TBC1D12: variants seen among roughly 807,000 people sequenced by gnomAD.
TBC1D12 encodes the protein TBC1 domain family member 12, also known as TBC1 domain family, member 12.
In TBC1D12, 56 loss-of-function variants were observed where a neutral mutation model predicts 86.7. The ratio of observed to expected loss-of-function variants is 0.65; its 90% CI spans 0.52 to 0.81. The LOEUF (loss-of-function observed/expected upper bound fraction) is 0.81. Ranked by LOEUF, TBC1D12 falls within the 30% of genes least tolerant of loss-of-function variation. TBC1D12 has a pLI of 0.00. For synonymous variants in TBC1D12, 421 were observed against 411.7 expected (o/e 1.02, Z -0.27); for missense variants, 1,023 against 1,038.8 (o/e 0.98, Z 0.21).
chr10:94,410,425 G>C (rs1399473655), intron 1 of TBC1D12, among the ~76,000 whole-genome samples: 1 of 151,780 alleles, frequency 6.6e-6, no homozygotes, highest in East Asian at 1.9e-4. Context: ...TTTTGTTTCA[G>C]AGATGAGGTC....
intron 2 of TBC1D12, among the ~76,000 whole-genome samples, chr10:94,444,381 A>G (rs942823935): frequency 6.6e-5 from 10 of 152,116 alleles, no homozygotes; most frequent in Non-Finnish European, 1.5e-4. Context: ...TGACCAAGAA[A>G]GGTTGGGAAC....
chr10:94,489,298 T>G (rs986681515), intron 3 of TBC1D12, among the ~76,000 whole-genome samples: 1 of 152,212 alleles, frequency 6.6e-6, no homozygotes, highest in Admixed American at 6.5e-5. Flanking sequence ...CAGCATTAAG[T>G]TCAATGCAAA....
intron 2 of TBC1D12, among the ~76,000 whole-genome samples, chr10:94,472,323 T>A (rs2055919786): frequency 6.6e-6 from 1 of 152,242 alleles, no homozygotes; most frequent in Non-Finnish European, 1.5e-5. Context: ...AAAGGCAGGC[T>A]ATGGAGCCAA....
chr10:94,447,784 A>G (rs2134099592), intron 2 of TBC1D12: 2 of 526,486 alleles, frequency 3.8e-6, no homozygotes, highest in East Asian at 1.5e-4. Flanking sequence ...TAAAGTTGGA[A>G]TAGCTACATG....
intron 6 of TBC1D12, among the ~76,000 whole-genome samples, chr10:94,505,357 T>A (rs1421712814): frequency 2.0e-5 from 3 of 152,148 alleles, no homozygotes; most frequent in Admixed American, 2.0e-4. Context: ...GGCAGGTGGA[T>A]CACATGAGGC....
Position 94,403,137 on chromosome 10 carries a change from AG to A in TBC1D12, c.528del (p.Pro177LeufsTer103). On this transcript the variant is annotated frameshift_variant, in exon 1 of 13. Coordinates refer to ENST00000225235, the MANE Select transcript of TBC1D12 (RefSeq NM_015188.2). LOFTEE classifies it high-confidence loss of function. Reference sequence around the variant, plus strand: ...CGCCCCTACGGCCGCCTTCGCCTGGAGGGGCCTGGCGACGAGGACGCGGACG... The same window carrying A: ...CGCCCCTACGGCCGCCTTCGCCTGGAGGGCCTGGCGACGAGGACGCGGACG... The part of the protein sequence containing the change: ...RRRPYGRLRL[E>X]GPGDEDADGA... 7.1e-7 allele frequency: 1 copy of A among 1,403,542 alleles called. No individual in the cohort carries two copies. The highest frequency in any genetic ancestry group is 9.2e-7 in the Non-Finnish European group (1 of 1,085,146). 86.9% of individuals were successfully genotyped at this position (1,403,542 alleles called of 1,614,324 possible). A position where few individuals can be genotyped will look rare whatever the true frequency, so the allele number is the denominator to read the frequency against.
rs542466018 is a variant in TBC1D12 at position 94,465,953 on chromosome 10, T to A, written c.1096-8715T>A. ...GTATATATGTATATACGCGTATGTA[T>A]GTATATACATGTATGTGTATATATA... On this transcript the variant is annotated intron_variant, in intron 2 of 12. Transcript: ENST00000225235. Among the ~76,000 whole-genome samples the A allele has an allele frequency of 1.1e-4, 16 of 151,476 alleles. 1 individual carries two copies. In the South Asian group the frequency reaches 2.7e-3, roughly 26 times the overall value.
At chr10:94,477,617 A>G (rs2056011243) in intron 3 of TBC1D12, among the ~76,000 whole-genome samples, 4 of 152,336 alleles carry the variant, frequency 2.6e-5, no homozygotes, top group African/African-American at 9.6e-5. Context: ...AAGAAGCTAG[A>G]ACAGAGGTCT....
chr10:94,406,743 AG>A (rs1391447014), intron 1 of TBC1D12, among the ~76,000 whole-genome samples: 1 of 152,230 alleles, frequency 6.6e-6, no homozygotes, highest in Non-Finnish European at 1.5e-5. Flanking sequence ...GCTCCAGGTG[AG>A]GGCTCTCTTT....
At chr10:94,417,000 G>A (rs2055008059) in intron 1 of TBC1D12, among the ~76,000 whole-genome samples, 1 of 152,166 alleles carries the variant, frequency 6.6e-6, no homozygotes, top group Non-Finnish European at 1.5e-5. Context: ...CTAAATTATG[G>A]GGGAGCTAAA....
At chr10:94,461,473 C>G (rs2055729259) in intron 2 of TBC1D12, among the ~76,000 whole-genome samples, 1 of 152,194 alleles carries the variant, frequency 6.6e-6, no homozygotes. Context: ...AAAATAATTA[C>G]TTTTCCTCTC....
At chr10:94,403,915 C>G (rs2054813025) in intron 1 of TBC1D12, among the ~76,000 whole-genome samples, 1 of 152,074 alleles carries the variant, frequency 6.6e-6, no homozygotes, top group Admixed American at 6.5e-5. Flanking sequence ...ATGCAGTTGC[C>G]TTTTCTGGAA....
chr10:94,452,094 A>G (rs1486802004), intron 2 of TBC1D12, among the ~76,000 whole-genome samples: 1 of 150,248 alleles, frequency 6.7e-6, no homozygotes, highest in African/African-American at 2.4e-5. Flanking sequence ...AAATATATGT[A>G]TTTAAATTCA....
rs2055992259 is a variant in TBC1D12, at chr10:94,476,666, CT to C, written c.1211+1888del. On this transcript the variant is annotated intron_variant, in intron 3 of 12. Transcript: ENST00000225235. ...TAGAATTTATCCGAAATGGATTATG[CT>C]TTTTACCGGGAATGTTAATTTCTTC... Among the ~76,000 whole-genome samples the C allele has an allele frequency of 2.0e-5, 3 of 152,246 alleles. No homozygotes were observed. In the South Asian group the frequency reaches 6.2e-4, roughly 32 times the overall value.
Position 94,535,633 on chromosome 10 carries a change from G to A in TBC1D12, c.*2537G>A, listed in dbSNP as rs1842527635. ...GTGGCCATGGTCTTAGCAGGTTTTAGAATGACCTTTTAACTCCAGTAACTA... is the reference window on the plus strand; with the variant it reads ...GTGGCCATGGTCTTAGCAGGTTTTAAAATGACCTTTTAACTCCAGTAACTA... On this transcript the variant is annotated 3_prime_UTR_variant, in exon 13 of 13. Coordinates refer to ENST00000225235, the MANE Select transcript of TBC1D12 (RefSeq NM_015188.2). 1 of 152,100 alleles carries A rather than the reference G, an allele frequency of 6.6e-6. No homozygotes were observed. The highest frequency in any genetic ancestry group is 2.4e-5 in the African/African-American group (1 of 41,436). The allele number at this position is 152,100 out of a possible 1,614,324, so 9.4% of individuals were successfully genotyped here.
chr10:94,467,280 T>G (rs1395875724), intron 2 of TBC1D12, among the ~76,000 whole-genome samples: 1 of 152,200 alleles, frequency 6.6e-6, no homozygotes, highest in East Asian at 1.9e-4. Context: ...TTGCCCAGGC[T>G]GGAGTGCGGT....
intron 1 of TBC1D12, among the ~76,000 whole-genome samples, chr10:94,420,383 G>A (rs959400722): frequency 1.6e-4 from 25 of 152,180 alleles, no homozygotes; most frequent in Non-Finnish European, 2.9e-5. Context: ...TTATAGCAAC[G>A]TGAGCTAAGA....
chr10:94,460,303 C>G (rs577723984), intron 2 of TBC1D12, among the ~76,000 whole-genome samples: 17 of 152,230 alleles, frequency 1.1e-4, no homozygotes, highest in South Asian at 2.1e-4. Context: ...TTTTGCAAGG[C>G]AAGTCTCCTG....
chr10:94,458,295 A>G (rs1425496421), intron 2 of TBC1D12, among the ~76,000 whole-genome samples: 2 of 152,152 alleles, frequency 1.3e-5, no homozygotes, highest in Non-Finnish European at 2.9e-5. Flanking sequence ...CCCTCACCGC[A>G]TGATGCTCTG....
Sources: gnomAD v4.1 joint callset for allele counts (sites outside exome capture counted in the v4.1 genomes callset) on GRCh38, gnomAD v4.1.1 for gene constraint, MANE v1.5 for transcripts, NCBI Gene and HGNC (gene_info 2026-07-23, HGNC 2026-07-21) for gene names.